The following MBNL2 variants were observed in gnomAD, a reference collection of about 807,000 sequenced individuals.
MBNL2 encodes the protein muscleblind-like protein 2.
A neutral mutation model predicts 41.9 loss-of-function variants in MBNL2; 17 were observed. The ratio of observed to expected loss-of-function variants is 0.41; its 90% CI spans 0.28 to 0.61. MBNL2 has a LOEUF of 0.61. Among genes scored for constraint, MBNL2 ranks in the 20% least tolerant of loss-of-function variants. The probability of loss-of-function intolerance (pLI) is 0.35; values close to 1 mark genes in which losing one functional copy is unlikely to be tolerated. For missense variants in MBNL2, 336 were observed against 505.6 expected (o/e 0.66, Z 3.22); for synonymous variants, 195 against 182.9 (o/e 1.07, Z -0.53).
chr13:97,353,752 A>G (rs180830203), intron 5 of MBNL2, among the ~76,000 whole-genome samples: 1 of 152,266 alleles, frequency 6.6e-6, no homozygotes, highest in East Asian at 1.9e-4. Context: ...CATACAAGCA[A>G]TCTTTGCTCA....
At chr13:97,196,353 TG>T in the MBNL2 span, among the ~76,000 whole-genome samples, 1 of 152,200 alleles carries the variant, frequency 6.6e-6, no homozygotes, top group Non-Finnish European at 1.5e-5. Context: ...TTCCCCTTTT[TG>T]TTGCCATTTT....
chr13:97,385,540 T>A (rs1261648014), intron 8 of MBNL2, among the ~76,000 whole-genome samples: 2 of 152,188 alleles, frequency 1.3e-5, no homozygotes, highest in African/African-American at 4.8e-5. Context: ...TGTTTTCCTA[T>A]CAATTAAGCA....
chr13:97,244,593 A>C (rs992852452), intron 1 of MBNL2, among the ~76,000 whole-genome samples: 4 of 152,250 alleles, frequency 2.6e-5, no homozygotes, highest in African/African-American at 9.6e-5. Flanking sequence ...ACCAACGACT[A>C]GATAATGTGC....
intron 1 of MBNL2, among the ~76,000 whole-genome samples, chr13:97,259,732 C>T (rs2048251134): frequency 6.6e-6 from 1 of 152,134 alleles, no homozygotes; most frequent in Non-Finnish European, 1.5e-5. Context: ...ATTGTTGGGG[C>T]CTCTCTGTTT....
At position 97,227,602 on chromosome 13, in the gene MBNL2, G is replaced by T. The variant is rs562728920; in HGVS notation, c.-605+5071G>T. Among the ~76,000 whole-genome samples the T allele has an allele frequency of 2.0e-5, 3 of 152,278 alleles. 1 individual carries two copies. The South Asian group carries it at 6.2e-4, about 32-fold the overall frequency. ...AGGGCACTCTGGCAAGGATGTGCTG[G>T]GTAAAGCTGCTGGAGGAGATGCATT... On this transcript the variant is annotated intron_variant, in intron 1 of 8. Transcript: ENST00000679496.
At chr13:97,226,776 T>G (rs907125066) in intron 1 of MBNL2, among the ~76,000 whole-genome samples, 1 of 152,026 alleles carries the variant, frequency 6.6e-6, no homozygotes, top group Non-Finnish European at 1.5e-5. Context: ...AAAATCAAAA[T>G]ATGAAGCTAC....
the MBNL2 span, among the ~76,000 whole-genome samples, chr13:97,190,885 TCTC>T: frequency 3.9e-5 from 6 of 152,188 alleles, no homozygotes; most frequent in Admixed American, 2.0e-4. Context: ...ACTGATTTCA[TCTC>T]CTCTTGAAAC....
the MBNL2 span, among the ~76,000 whole-genome samples, chr13:97,159,301 A>G: frequency 6.6e-6 from 1 of 151,662 alleles, no homozygotes; most frequent in Non-Finnish European, 1.5e-5. Context: ...TCTGCACGTG[A>G]GATGGGTTTC....
At chr13:97,228,312 A>C (rs1331050551) in intron 1 of MBNL2, among the ~76,000 whole-genome samples, 1 of 152,148 alleles carries the variant, frequency 6.6e-6, no homozygotes, top group African/African-American at 2.4e-5. Context: ...GGTAGGTGAC[A>C]TTATGTTTTT....
At chr13:97,371,327 C>T (rs996183119) in intron 8 of MBNL2, among the ~76,000 whole-genome samples, 1 of 152,124 alleles carries the variant, frequency 6.6e-6, no homozygotes, top group African/African-American at 2.4e-5. Context: ...CTCTCTCCTC[C>T]TCCCCCAGCA....
At chr13:97,339,363 C>T (rs1449119863) in intron 3 of MBNL2, among the ~76,000 whole-genome samples, 3 of 151,748 alleles carry the variant, frequency 2.0e-5, no homozygotes, top group Non-Finnish European at 2.9e-5. Context: ...CGGAGAGGAA[C>T]ACGGGAAGGT....
At chr13:97,371,188 G>A (rs1005119711) in intron 8 of MBNL2, among the ~76,000 whole-genome samples, 5 of 152,054 alleles carry the variant, frequency 3.3e-5, no homozygotes, top group East Asian at 1.9e-4. Context: ...TTCAAAGGGA[G>A]AGAAAATAAT....
At chr13:97,349,393 C>G (rs927999601) in intron 5 of MBNL2, among the ~76,000 whole-genome samples, 5 of 152,182 alleles carry the variant, frequency 3.3e-5, no homozygotes, top group African/African-American at 9.7e-5. Flanking sequence ...TACTATCAAC[C>G]TGGTGAGGAT....
chr13:97,300,938 A>T (rs1255544974), intron 2 of MBNL2, among the ~76,000 whole-genome samples: 1 of 152,248 alleles, frequency 6.6e-6, no homozygotes, highest in Admixed American at 6.5e-5. Flanking sequence ...GAGTGATGAG[A>T]CGGAATTGTC....
intron 8 of MBNL2, among the ~76,000 whole-genome samples, chr13:97,370,101 C>T (rs1414868933): frequency 6.6e-6 from 1 of 152,080 alleles, no homozygotes; most frequent in Non-Finnish European, 1.5e-5. Context: ...TGTAGACACT[C>T]AATTCTTAAC....
At chr13:97,222,154 C>T (rs1253920460), upstream of MBNL2, 3 of 341,888 alleles carry the variant, frequency 8.8e-6, no homozygotes, top group Non-Finnish European at 1.0e-5. Flanking sequence ...AGGGAAATTC[C>T]TCTTTCATCA....
At chr13:97,231,008 A>G (rs1047084855) in intron 1 of MBNL2, among the ~76,000 whole-genome samples, 1 of 152,214 alleles carries the variant, frequency 6.6e-6, no homozygotes, top group African/African-American at 2.4e-5. Flanking sequence ...CAAAATGTAT[A>G]TATTTTGGGG....
intron 8 of MBNL2, among the ~76,000 whole-genome samples, chr13:97,389,853 A>G (rs2066258461): frequency 1.3e-5 from 2 of 152,144 alleles, no homozygotes; most frequent in African/African-American, 4.8e-5. Context: ...GAAAACTTAC[A>G]GATAGGCTTG....
intron 8 of MBNL2, among the ~76,000 whole-genome samples, chr13:97,390,456 C>T (rs780853315): frequency 3.3e-5 from 5 of 152,158 alleles, no homozygotes; most frequent in Admixed American, 6.5e-5. Flanking sequence ...AATGAATAAA[C>T]GCTTTGCTTA....
Sources: gnomAD v4.1 joint callset for allele counts (sites outside exome capture counted in the v4.1 genomes callset) on GRCh38, gnomAD v4.1.1 for gene constraint, MANE v1.5 for transcripts, NCBI Gene and HGNC (gene_info 2026-07-23, HGNC 2026-07-21) for gene names.